PCDHA4: variants seen among roughly 807,000 people sequenced by gnomAD.
The protein encoded by PCDHA4 is protocadherin alpha-4.
Under a neutral mutation model 61.4 loss-of-function variants are expected in PCDHA4, and 49 were observed. That is an observed-to-expected ratio of 0.80 (90% confidence interval 0.63 to 1.01). The LOEUF (loss-of-function observed/expected upper bound fraction) is 1.01, where lower values mean the gene tolerates loss of function less well. PCDHA4 is among the 50% of genes least tolerant of loss of function. The probability of loss-of-function intolerance (pLI) is 0.00; values close to 1 mark genes in which losing one functional copy is unlikely to be tolerated. For synonymous variants in PCDHA4, 590 were observed against 550.3 expected (o/e 1.07, Z -1.01); for missense variants, 1,254 against 1,235.8 (o/e 1.01, Z -0.22).
Position 140,883,664 on chromosome 5 carries a change from G to A in PCDHA4, c.2385+74092G>A, listed in dbSNP as rs200846533. The A allele has an allele frequency of 6.7e-5, 108 of 1,613,836 alleles. No individual in the cohort carries two copies. Among genetic ancestry groups the A allele is most frequent in the Non-Finnish European group, 8.9e-5 (105 of 1,179,872 alleles). On this transcript the variant is annotated intron_variant, in intron 1 of 3. Transcript: ENST00000530339. ...GCCCGAGTACACGGTGTTCGTGAAG[G>A]AAAACAATCCGCCGGGCTGCCACAT... is the stretch of plus-strand genomic sequence containing the variant.
intron 1 of PCDHA4, chr5:140,871,269 G>A (rs782046462): frequency 1.2e-6 from 2 of 1,613,952 alleles, no homozygotes; most frequent in Non-Finnish European, 8.5e-7. Flanking sequence ...CGCTGTGGTG[G>A]TCGGCAACGC....
chr5:140,829,472 A>C (rs1281659307), intron 1 of PCDHA4: 2 of 1,613,698 alleles, frequency 1.2e-6, no homozygotes, highest in Non-Finnish European at 8.5e-7. Flanking sequence ...GCCCGAGTAC[A>C]CAGTGTTCGT....
At chr5:140,842,000 C>G in intron 1 of PCDHA4, 1 of 1,613,786 alleles carries the variant, frequency 6.2e-7, no homozygotes, top group Non-Finnish European at 8.5e-7. Context: ...AGGCACTGTT[C>G]AGCTGCTGGT....
At position 140,808,638 on chromosome 5, in the gene PCDHA4, C is replaced by T. The variant is rs144422081; in HGVS notation, c.1451C>T (p.Ala484Val). Residue 484 changes from alanine to valine, a missense_variant, in exon 1 of 4, where the codon GCG becomes GTG. Physicochemically the swap from Ala to Val is moderately conservative, Grantham distance 64. Transcript: ENST00000530339. ...ACTGTGTCTGCGTGGGACGCGGACG[C>T]GCAGGAGAACGCGCTGGTGTCCTAC... ...IFTVSAWDADAQENALVSYSL... is the reference protein window; with the variant it reads ...IFTVSAWDADVQENALVSYSL... 4.3e-6 allele frequency: 7 copies of T among 1,613,310 alleles called. No homozygotes were observed. Among genetic ancestry groups the T allele is most frequent in the Non-Finnish European group, 5.9e-6 (7 of 1,179,890 alleles).
At position 140,967,914 on chromosome 5, in the gene PCDHA4, T is replaced by C. The variant is rs1376293284; in HGVS notation, c.2386-11035T>C. On this transcript the variant is annotated intron_variant, in intron 1 of 3. Coordinates refer to ENST00000530339, the MANE Select transcript of PCDHA4 (RefSeq NM_018907.4). ...CCTGAGAATGCTACACCCAACACCA[T>C]TGTGGCCGTTCTCAGTGTCAATGAC... 1.2e-5 allele frequency: 20 copies of C among 1,614,060 alleles called. No individual in the cohort carries two copies. The highest frequency in any genetic ancestry group is 3.3e-5 in the South Asian group (3 of 91,086).
At chr5:140,885,577 A>G (rs1554182197) in intron 1 of PCDHA4, among the ~76,000 whole-genome samples, 1 of 152,172 alleles carries the variant, frequency 6.6e-6, no homozygotes, top group African/African-American at 2.4e-5. Context: ...TCAGATGTGG[A>G]ATTGATGCAT....
At chr5:140,880,241 C>T (rs529552139) in intron 1 of PCDHA4, among the ~76,000 whole-genome samples, 12 of 150,302 alleles carry the variant, frequency 8.0e-5, no homozygotes, top group South Asian at 4.2e-4. Flanking sequence ...AGTGTATGTG[C>T]GTGTGTGTAT....
intron 1 of PCDHA4, chr5:140,870,430 G>A: frequency 6.2e-7 from 1 of 1,614,226 alleles, no homozygotes; most frequent in Non-Finnish European, 8.5e-7. Context: ...GGTATCCGTG[G>A]AGGTGGCCGA....
chr5:140,964,238 T>G (rs1354844619), intron 1 of PCDHA4, among the ~76,000 whole-genome samples: 1 of 152,208 alleles, frequency 6.6e-6, no homozygotes, highest in Admixed American at 6.5e-5. Flanking sequence ...AGGCTGATTG[T>G]GTTGGCTTTA....
chr5:140,829,529 C>G (rs2150169515), intron 1 of PCDHA4: 1 of 1,613,270 alleles, frequency 6.2e-7, no homozygotes, highest in East Asian at 2.2e-5. Context: ...GGTGTCTGCG[C>G]GAGACGCGGA....
At chr5:140,841,942 G>C in intron 1 of PCDHA4, 1 of 1,613,920 alleles carries the variant, frequency 6.2e-7, no homozygotes, top group South Asian at 1.1e-5. Flanking sequence ...ACGCTCCTGC[G>C]CACCACTTAT....
At chr5:140,850,747 C>T (rs2041801676) in intron 1 of PCDHA4, 3 of 1,597,716 alleles carry the variant, frequency 1.9e-6, no homozygotes, top group Non-Finnish European at 2.6e-6. Flanking sequence ...TGGTCGTACT[C>T]GCAGCAGAGG....
chr5:140,915,918 T>A (rs1295505621), intron 1 of PCDHA4, among the ~76,000 whole-genome samples: 1 of 152,188 alleles, frequency 6.6e-6, no homozygotes, highest in Admixed American at 6.5e-5. Flanking sequence ...CCAGAGATGC[T>A]ACTTGGGAGT....
At position 140,809,567 on chromosome 5, in the gene PCDHA4, G is replaced by A; in HGVS notation, c.2380G>A (p.Ala794Thr). ...DQLQTTEESF[A>T]KPRQPNPDWR... ...GCTGCAGACAACTGAGGAATCCTTT[G>A]CAAAGGTTAGTGTATAACATCCTTT... The change falls in exon 1 of 4, where the codon GCA becomes ACA. Residue 794 changes from alanine to threonine, a missense_variant. Physicochemically the swap from Ala to Thr is moderately conservative, Grantham distance 58. Transcript: ENST00000530339. The A allele has an allele frequency of 6.2e-7, 1 of 1,605,950 alleles. No homozygotes were observed. Among genetic ancestry groups the A allele is most frequent in the Non-Finnish European group, 8.5e-7 (1 of 1,175,722 alleles).
chr5:140,823,089 C>T, intron 1 of PCDHA4: 1 of 1,614,036 alleles, frequency 6.2e-7, no homozygotes, highest in Non-Finnish European at 8.5e-7. Context: ...GGGCCACCGC[C>T]AGCGTGTCTG....
chr5:140,967,757 T>C, intron 1 of PCDHA4: 1 of 1,614,216 alleles, frequency 6.2e-7, no homozygotes, highest in Non-Finnish European at 8.5e-7. Flanking sequence ...AGCCTCCTCC[T>C]ACCAGATCTA....
In PCDHA4 at chr5:140,834,800, T is replaced by A; in HGVS notation, c.2385+25228T>A. 3 of 1,612,758 alleles carry A rather than the reference T, an allele frequency of 1.9e-6. No homozygotes were observed. Among genetic ancestry groups the A allele is most frequent in the Non-Finnish European group, 2.5e-6 (3 of 1,179,706 alleles). On this transcript the variant is annotated intron_variant, in intron 1 of 3. Transcript: ENST00000530339. The stretch of plus-strand genomic sequence containing the variant: ...CGGTGTTCCCAGCGACACAAAGGAA[T>A]CTGTTCATCGCGGAATCCAGGCCGC...
chr5:140,980,628 CAGA>C (rs1554242055), intron 2 of PCDHA4, among the ~76,000 whole-genome samples: 1 of 150,868 alleles, frequency 6.6e-6, no homozygotes, highest in Non-Finnish European at 1.5e-5. Flanking sequence ...GACTCTGTCT[CAGA>C]AGAATAAATA....
chr5:140,828,819 A>T, intron 1 of PCDHA4: 2 of 1,614,224 alleles, frequency 1.2e-6, no homozygotes, highest in Middle Eastern at 3.3e-4. Flanking sequence ...CCCACTTTCG[A>T]ACAGTCTGAA....
Sources: allele counts gnomAD v4.1 joint callset (sites outside exome capture counted in the v4.1 genomes callset), GRCh38; gene constraint gnomAD v4.1.1; transcripts MANE v1.5; gene names NCBI Gene and HGNC (gene_info 2026-07-23, HGNC 2026-07-21).